Variants in CFAP58 observed in about 807,000 individuals in gnomAD.
CFAP58 encodes the protein cilia- and flagella-associated protein 58.
A neutral mutation model predicts 119.5 loss-of-function variants in CFAP58; 88 were observed. The ratio of observed to expected loss-of-function variants is 0.74; its 90% CI spans 0.62 to 0.88. The LOEUF is 0.88. Ranked by LOEUF, CFAP58 falls within the 40% of genes least tolerant of loss-of-function variation. The probability of loss-of-function intolerance (pLI) is 0.00; values close to 1 mark genes in which losing one functional copy is unlikely to be tolerated. For missense variants in CFAP58, 990 were observed against 1,021.2 expected (o/e 0.97, Z 0.42); for synonymous variants, 365 against 366.3 (o/e 1.00, Z 0.04).
intron 15 of CFAP58, among the ~76,000 whole-genome samples, chr10:104,417,655 A>C (rs146849206): frequency 6.6e-6 from 1 of 152,302 alleles, no homozygotes; most frequent in East Asian, 1.9e-4. Context: ...AGAATGTTGA[A>C]GAGTAGAGGG....
chr10:104,380,223 AAGCTGCTCAGTG>A lies in CFAP58; in HGVS notation c.1365+5_1365+16del. The stretch of plus-strand genomic sequence containing the variant: ...AAGCCAGTGACCTTACGCAAAAGGT[AAGCTGCTCAGTG>A]ATGTTGTGGGTGGAGCAGAGGCACA... On this transcript the variant is annotated splice_donor_5th_base_variant and intron_variant, in intron 9 of 17. Transcript: ENST00000369704. The A allele has an allele frequency of 6.2e-7, 1 of 1,612,876 alleles. No homozygotes were observed.
chr10:104,393,401 T>A lies in CFAP58; in HGVS notation c.1600T>A (p.Ser534Thr), dbSNP rs1344499976. 6.2e-7 allele frequency: 1 copy of A among 1,614,104 alleles called. No homozygotes were observed. Among genetic ancestry groups the A allele is most frequent in the Admixed American group, 1.7e-5 (1 of 60,002 alleles). Reference sequence around the variant, plus strand: ...GGTAGATGAGCTGAAAGAAGACATCTCTGCCAAAGAGTCCGCACTTGTGAA... The same window carrying A: ...GGTAGATGAGCTGAAAGAAGACATCACTGCCAAAGAGTCCGCACTTGTGAA... ...HQVDELKEDI[S>T]AKESALVKLH... Residue 534 changes from serine (S) to threonine (T), a missense_variant, in exon 11 of 18, where the codon TCT becomes ACT. Transcript: ENST00000369704.
At chr10:104,450,314 C>A in intron 17 of CFAP58, 110 bp downstream of exon 17, 1 of 1,116,188 alleles carries the variant, frequency 9.0e-7, no homozygotes, top group Non-Finnish European at 1.3e-6. Flanking sequence ...AACTAAATCA[C>A]AGGGTAAACA....
In CFAP58 at chr10:104,365,832, C is replaced by G; in HGVS notation, c.616C>G (p.Gln206Glu). The G allele has an allele frequency of 1.2e-6, 2 of 1,610,216 alleles. No homozygotes were observed. The highest frequency in any genetic ancestry group is 1.7e-6 in the Non-Finnish European group (2 of 1,178,704). The change falls in exon 5 of 18, where the codon CAA becomes GAA. Residue 206 changes from glutamine (Q) to glutamate (E), a missense_variant. Gln to Glu is a conservative substitution (Grantham distance 29, BLOSUM62 2). Coordinates refer to ENST00000369704, the MANE Select transcript of CFAP58 (RefSeq NM_001008723.2). ...AISQFQQEIQ[Q>E]RQNEASREFR... Reference sequence around the variant, plus strand: ...CCTCTAGTTCCAACAAGAAATCCAGCAACGTCAGAACGAAGCTTCCCGGGA... The same window carrying G: ...CCTCTAGTTCCAACAAGAAATCCAGGAACGTCAGAACGAAGCTTCCCGGGA...
At chr10:104,419,109 T>C (rs1392282930) in intron 15 of CFAP58, among the ~76,000 whole-genome samples, 1 of 152,222 alleles carries the variant, frequency 6.6e-6, no homozygotes, top group Non-Finnish European at 1.5e-5. Flanking sequence ...CACTTCTTTC[T>C]GGGGTTTCTG....
intron 11 of CFAP58, among the ~76,000 whole-genome samples, chr10:104,397,455 A>G (rs912972913): frequency 3.3e-5 from 5 of 152,226 alleles, no homozygotes; most frequent in Middle Eastern, 3.2e-3. Context: ...CAAGGTACAC[A>G]GTATCTTTTA....
chr10:104,412,959 T>G (rs1042634561), intron 15 of CFAP58, among the ~76,000 whole-genome samples: 1 of 152,250 alleles, frequency 6.6e-6, no homozygotes, highest in African/African-American at 2.4e-5. Flanking sequence ...TTCCCGTAAC[T>G]TAACTTCTTC....
rs142258816 is a variant in CFAP58, at chr10:104,400,773, G to T, written c.1909G>T (p.Val637Leu). The T allele has an allele frequency of 1.3e-5, 21 of 1,614,168 alleles. No individual in the cohort carries two copies. The African/African-American group carries it at 2.8e-4, about 22-fold the overall frequency. ...LYEKIKIQQS[V>L]LNKGESQYNQ... is the part of the protein sequence containing the mutation. ...TGAGAAGATCAAGATCCAACAGTCT[G>T]TGCTGAATAAAGGGGAGAGCCAGTA... Residue 637 changes from valine (V) to leucine (L), a missense_variant, in exon 13 of 18, where the codon GTG becomes TTG. Val to Leu is a conservative substitution (Grantham distance 32). Transcript: ENST00000369704.
intron 2 of CFAP58, among the ~76,000 whole-genome samples, chr10:104,361,164 T>G (rs1367289261): frequency 6.6e-6 from 1 of 152,250 alleles, no homozygotes; most frequent in East Asian, 1.9e-4. Flanking sequence ...TACTGTGCTT[T>G]TCTCCTTTAC....
At chr10:104,449,610 T>G (rs1490651602) in intron 16 of CFAP58, among the ~76,000 whole-genome samples, 1 of 152,222 alleles carries the variant, frequency 6.6e-6, no homozygotes, top group African/African-American at 2.4e-5. Flanking sequence ...AATGCTTAGT[T>G]AGCAGTGATG....
In CFAP58 at chr10:104,368,504, A is replaced by C. The variant is rs763514537; in HGVS notation, c.874A>C (p.Ser292Arg). ...AKLQQENEQH[S>R]LVCEQLSQEN... ...ACTTCAGCAAGAGAATGAACAGCAC[A>C]GTTTGGTCTGTGAGCAGCTATCCCA... is the stretch of plus-strand genomic sequence containing the variant. Residue 292 changes from serine (S) to arginine (R), a missense_variant, in exon 6 of 18, where the codon AGT (serine) becomes CGT (arginine). By Grantham distance (110) the Ser-to-Arg change is moderately radical (BLOSUM62 -1). Transcript: ENST00000369704. 26 of 1,613,952 alleles carry C rather than the reference A, an allele frequency of 1.6e-5. No homozygotes were observed. Among genetic ancestry groups the C allele is most frequent in the Non-Finnish European group, 2.0e-5 (24 of 1,179,962 alleles).
At chr10:104,406,528 A>G (rs12244750) in intron 14 of CFAP58, among the ~76,000 whole-genome samples, 161 bp from the exon 15 acceptor site, 4,714 of 152,170 alleles carry the variant, frequency 0.031, 252 homozygotes, top group African/African-American at 0.11. Flanking sequence ...GGAATTTATG[A>G]TTTTCTCATC....
chr10:104,431,017 G>A (rs1181342738), intron 15 of CFAP58, among the ~76,000 whole-genome samples: 2 of 152,184 alleles, frequency 1.3e-5, no homozygotes, highest in Admixed American at 6.5e-5. Context: ...ACACTGATGA[G>A]CACAGTTCTG....
At chr10:104,435,471 G>A (rs886745961) in intron 15 of CFAP58, among the ~76,000 whole-genome samples, 1 of 152,200 alleles carries the variant, frequency 6.6e-6, no homozygotes, top group Non-Finnish European at 1.5e-5. Flanking sequence ...GACAGAGTGA[G>A]ACCCTGTCTC....
In CFAP58 at chr10:104,439,609, G is replaced by C. The variant is rs2013001212; in HGVS notation, c.2257-8089G>C. 3.3e-5 allele frequency among the ~76,000 whole-genome samples: 5 copies of C among 152,200 alleles called. No homozygotes were observed. The South Asian group carries it at 1.0e-3, about 32-fold the overall frequency. On this transcript the variant is annotated intron_variant, in intron 15 of 17. Coordinates refer to ENST00000369704, the MANE Select transcript of CFAP58 (RefSeq NM_001008723.2). ...TTTCATTTCATTTTGGGAGGCTGAA[G>C]TAGGAGGATTGCTTGAGCCCAGGAG... is the stretch of plus-strand genomic sequence containing the variant.
the CFAP58 span, among the ~76,000 whole-genome samples, chr10:104,344,569 T>TCATGGCTTCAGAGAGGG: frequency 1.3e-5 from 2 of 151,096 alleles, no homozygotes; most frequent in African/African-American, 5.0e-5. Context: ...GTCCTCAGGA[T>TCATGGCTTCAGAGAGGG]ACTTCTATTT....
chr10:104,345,916 A>T, the CFAP58 span, among the ~76,000 whole-genome samples: 382 of 152,226 alleles, frequency 2.5e-3, 3 homozygotes, highest in African/African-American at 7.8e-3. Context: ...TAAAATTTTT[A>T]AAATATATTC....
rs2013242412 is a variant in CFAP58 at position 104,454,306 on chromosome 10, A to C, written c.2511-116A>C. 3 of 824,686 alleles carry C rather than the reference A, an allele frequency of 3.6e-6. No homozygotes were observed. In the East Asian group the frequency reaches 7.3e-5, roughly 20 times the overall value. The allele number at this position is 824,686 out of a possible 1,614,324, so 51.1% of individuals were successfully genotyped here. A position where few individuals can be genotyped will look rare whatever the true frequency, so the allele number is the denominator to read the frequency against. On this transcript the variant is annotated intron_variant, in intron 17 of 17. Transcript: ENST00000369704. ...AGATTTAAACAACTACCTTGTCTAA[A>C]ACTAGAAGCTGTAATCAAAGTAGTT...
intron 15 of CFAP58, among the ~76,000 whole-genome samples, chr10:104,443,786 A>G (rs1437630301): frequency 1.3e-5 from 2 of 152,212 alleles, no homozygotes; most frequent in Non-Finnish European, 2.9e-5. Flanking sequence ...TAGGCTGTTC[A>G]GAATATGTCT....
Sources: allele counts gnomAD v4.1 joint callset (sites outside exome capture counted in the v4.1 genomes callset), GRCh38; gene constraint gnomAD v4.1.1; transcripts MANE v1.5; gene names NCBI Gene and HGNC (gene_info 2026-07-23, HGNC 2026-07-21).